The following TAFA2 variants were observed in gnomAD, a reference collection of about 807,000 sequenced individuals.
TAFA2 encodes the protein chemokine-like protein TAFA-2.
TAFA2 carries 7 observed loss-of-function variants against 18.8 expected under a neutral mutation model. The observed-to-expected ratio is 0.37, with a 90% confidence interval of 0.21 to 0.70. The LOEUF is 0.70. TAFA2 is among the 30% of genes least tolerant of loss of function. The probability of loss-of-function intolerance (pLI) is 0.53; values close to 1 mark genes in which losing one functional copy is unlikely to be tolerated. For synonymous variants in TAFA2, 60 were observed against 54.2 expected, an observed-to-expected ratio of 1.11 and a Z score of -0.47; for missense variants, 122 against 158.1, an observed-to-expected ratio of 0.77 and a Z score of 1.23.
At chr12:62,094,609 A>G (rs1236505905) in intron 1 of TAFA2, among the ~76,000 whole-genome samples, 1 of 152,088 alleles carries the variant, frequency 6.6e-6, no homozygotes, top group Non-Finnish European at 1.5e-5. Context: ...TCCTTAATTT[A>G]CAGATTTGTT....
At chr12:61,976,947 A>C (rs1242191251) in intron 1 of TAFA2, among the ~76,000 whole-genome samples, 2 of 151,994 alleles carry the variant, frequency 1.3e-5, no homozygotes, top group Non-Finnish European at 2.9e-5. Flanking sequence ...GGTTGGTTCC[A>C]AGTCTTTGCT....
chr12:61,880,074 G>C (rs765074815), intron 1 of TAFA2: 5 of 655,512 alleles, frequency 7.6e-6, no homozygotes, highest in South Asian at 3.2e-5. Flanking sequence ...ATAGACAGCA[G>C]CCACTCCCTG....
At chr12:61,836,758 C>CAT (rs1872947164) in intron 2 of TAFA2, among the ~76,000 whole-genome samples, 2 of 59,534 alleles carry the variant, frequency 3.4e-5, no homozygotes, top group Admixed American at 3.6e-4. Flanking sequence ...TATATATATA[C>CAT]ACACACACAC....
intron 4 of TAFA2, among the ~76,000 whole-genome samples, chr12:61,710,669 A>G (rs561596674): frequency 6.6e-6 from 1 of 152,086 alleles, no homozygotes; most frequent in African/African-American, 2.4e-5. Context: ...TGTGACTAGA[A>G]TTATCCCAAC....
intron 2 of TAFA2, among the ~76,000 whole-genome samples, chr12:61,790,736 C>A (rs1002463092): frequency 6.6e-6 from 1 of 151,750 alleles, no homozygotes; most frequent in African/African-American, 2.4e-5. Context: ...ATCTGATAGA[C>A]ATTTCTTGTT....
At chr12:62,050,632 G>A (rs900095034) in intron 1 of TAFA2, among the ~76,000 whole-genome samples, 1 of 151,910 alleles carries the variant, frequency 6.6e-6, no homozygotes, top group African/African-American at 2.4e-5. Flanking sequence ...ATAACAAATG[G>A]TCATATCTAT....
At chr12:61,711,052 A>C (rs1869383621) in intron 4 of TAFA2, among the ~76,000 whole-genome samples, 1 of 152,128 alleles carries the variant, frequency 6.6e-6, no homozygotes, top group African/African-American at 2.4e-5. Flanking sequence ...AAATTTTCAT[A>C]AAATTGATTG....
At chr12:62,017,932 G>A (rs894381722) in intron 1 of TAFA2, among the ~76,000 whole-genome samples, 5 of 152,050 alleles carry the variant, frequency 3.3e-5, no homozygotes, top group African/African-American at 1.2e-4. Context: ...ATCAATAATG[G>A]GAAAGCTTCT....
chr12:61,887,560 A>C (rs1565669883), intron 1 of TAFA2, among the ~76,000 whole-genome samples: 2 of 146,404 alleles, frequency 1.4e-5, no homozygotes, highest in East Asian at 4.2e-4. Context: ...CATTAGGTAT[A>C]TCTCCCATTG....
chr12:61,835,215 C>A (rs1005425952), intron 2 of TAFA2, among the ~76,000 whole-genome samples: 1 of 151,950 alleles, frequency 6.6e-6, no homozygotes, highest in South Asian at 2.1e-4. Context: ...AACAGTAATG[C>A]TATTCTTTCC....
At chr12:61,861,123 T>G (rs34053266) in intron 2 of TAFA2, among the ~76,000 whole-genome samples, 44,168 of 152,048 alleles carry the variant, frequency 0.29, 7,013 homozygotes, top group South Asian at 0.4. Flanking sequence ...GCTAATTTTT[T>G]TATTTTTTAG....
At chr12:62,086,465 C>T (rs891746178) in intron 1 of TAFA2, among the ~76,000 whole-genome samples, 1 of 152,012 alleles carries the variant, frequency 6.6e-6, no homozygotes. Flanking sequence ...AACCAACCAT[C>T]CAATTTAAAA....
chr12:62,078,163 C>T (rs764650343), intron 1 of TAFA2, among the ~76,000 whole-genome samples: 20 of 152,080 alleles, frequency 1.3e-4, no homozygotes, highest in Non-Finnish European at 1.8e-4. Flanking sequence ...ACCCTCTTAC[C>T]TCCCTTAACA....
chr12:62,096,434 T>C (rs1868953049), intron 1 of TAFA2, among the ~76,000 whole-genome samples: 2 of 152,164 alleles, frequency 1.3e-5, no homozygotes, highest in South Asian at 4.1e-4. Flanking sequence ...AACAGGATCC[T>C]ATTCATAAAC....
intron 1 of TAFA2, among the ~76,000 whole-genome samples, chr12:62,045,437 A>G (rs920555833): frequency 6.6e-6 from 1 of 152,216 alleles, no homozygotes; most frequent in Non-Finnish European, 1.5e-5. Flanking sequence ...TCCAGATTTC[A>G]TCACACGATG....
chr12:61,895,048 A>G (rs1417851551), intron 1 of TAFA2, among the ~76,000 whole-genome samples: 1 of 152,182 alleles, frequency 6.6e-6, no homozygotes, highest in Non-Finnish European at 1.5e-5. Flanking sequence ...CAGACAGAGC[A>G]AAATTGAAGT....
chr12:61,827,515 C>T (rs143080733), intron 2 of TAFA2, among the ~76,000 whole-genome samples: 8 of 151,868 alleles, frequency 5.3e-5, no homozygotes, highest in Middle Eastern at 3.4e-3. Context: ...ATCTCAGAGC[C>T]GGAAAAGGGT....
chr12:61,830,492 A>T (rs1488911234), intron 2 of TAFA2, among the ~76,000 whole-genome samples: 1 of 151,860 alleles, frequency 6.6e-6, no homozygotes, highest in Non-Finnish European at 1.5e-5. Context: ...GAAATAACTC[A>T]CACAGAAACA....
At chr12:62,196,261 C>A (rs900946906), upstream of TAFA2, among the ~76,000 whole-genome samples, 1 of 152,178 alleles carries the variant, frequency 6.6e-6, no homozygotes, top group Non-Finnish European at 1.5e-5. Flanking sequence ...CTATCTAGAC[C>A]ACCAAAGCTT....
Sources: allele counts gnomAD v4.1 joint callset (sites outside exome capture counted in the v4.1 genomes callset), GRCh38; gene constraint gnomAD v4.1.1; transcripts MANE v1.5; gene names NCBI Gene and HGNC (gene_info 2026-07-23, HGNC 2026-07-21).